The following GNPAT variants were observed in gnomAD, a reference collection of about 807,000 sequenced individuals.
GNPAT encodes dihydroxyacetone phosphate acyltransferase.
A neutral mutation model predicts 78.4 loss-of-function variants in GNPAT; 30 were observed. The observed-to-expected ratio is 0.38, with a 90% CI of 0.29 to 0.52. The LOEUF is 0.52. Among genes scored for constraint, GNPAT ranks in the 20% least tolerant of loss-of-function variants. The pLI is 0.84. For synonymous variants in GNPAT, 271 were observed against 281.1 expected, an observed-to-expected ratio of 0.96 and a Z score of 0.36; for missense variants, 714 against 812.2, an observed-to-expected ratio of 0.88 and a Z score of 1.47.
Position 231,241,355 on chromosome 1 carries a change from C to G in GNPAT, c.-24C>G, listed in dbSNP as rs953814627. The G allele has an allele frequency of 1.9e-6, 3 of 1,595,290 alleles. No homozygotes were observed. Among genetic ancestry groups the G allele is most frequent in the Non-Finnish European group, 2.6e-6 (3 of 1,162,912 alleles). ...CACGGCTTAGCAAAGAATCCCAGAC[C>G]CCGCCCGGGAAGGCAGCCGCACCAT... On this transcript the variant is annotated 5_prime_UTR_variant, in exon 1 of 16. Coordinates refer to ENST00000366647, the MANE Select transcript of GNPAT (RefSeq NM_014236.4).
intron 2 of GNPAT, among the ~76,000 whole-genome samples, chr1:231,260,053 C>T (rs1685180777): frequency 6.6e-6 from 1 of 152,136 alleles, no homozygotes; most frequent in African/African-American, 2.4e-5. Context: ...ACTTTGTGTG[C>T]CTGTGACTTG....
chr1:231,256,597 C>T (rs1386166398), intron 2 of GNPAT, among the ~76,000 whole-genome samples: 1 of 148,792 alleles, frequency 6.7e-6, no homozygotes, highest in African/African-American at 2.5e-5. Flanking sequence ...CACCATTCTC[C>T]TGCCTCAGCC....
rs955918032 is a variant in GNPAT at position 231,256,680 on chromosome 1, G to A, written c.262-3827G>A. ...TTTTTGTATTTTTAGTAGAGACGAG[G>A]TTTCACTTTTTTAGCCAGGATGGTC... On this transcript the variant is annotated intron_variant, in intron 2 of 15. Transcript: ENST00000366647. Among the ~76,000 whole-genome samples, 74 of 151,826 alleles carry A rather than the reference G, an allele frequency of 4.9e-4. 1 individual carries two copies. The highest frequency in any genetic ancestry group is 1.7e-3 in the African/African-American group (72 of 41,406).
intron 2 of GNPAT, chr1:231,258,283 G>C (rs1325387604): frequency 1.3e-5 from 2 of 152,200 alleles, no homozygotes; most frequent in Non-Finnish European, 2.9e-5. Flanking sequence ...CCTATAACCA[G>C]GTGTCTGGCT....
chr1:231,270,777 A>G lies in GNPAT; in HGVS notation c.1299A>G (p.Glu433=). Residue 433 remains glutamate, a synonymous_variant, in exon 10 of 16, where the codon GAA becomes GAG. Transcript: ENST00000366647. ...LIWPDNKPAE[E]VVPASILLHS... Reference sequence around the variant, plus strand: ...GTGTAGATAATAAACCTGCTGAAGAAGTTGTCCCGGCCAGCATTCTTCTGC... The same window carrying G: ...GTGTAGATAATAAACCTGCTGAAGAGGTTGTCCCGGCCAGCATTCTTCTGC... 1 of 1,614,010 alleles carries G rather than the reference A, an allele frequency of 6.2e-7. No individual in the cohort carries two copies. The highest frequency in any genetic ancestry group is 1.1e-5 in the South Asian group (1 of 91,066).
intron 3 of GNPAT, 111 bp downstream of exon 3, chr1:231,260,794 A>C (rs777190840): frequency 1.1e-5 from 8 of 757,432 alleles, no homozygotes; most frequent in Non-Finnish European, 1.8e-5. Flanking sequence ...ACTCAAGGAC[A>C]GCTCACTTGG....
intron 10 of GNPAT, among the ~76,000 whole-genome samples, chr1:231,272,092 T>TC (rs1175845351): frequency 1.3e-5 from 2 of 152,164 alleles, no homozygotes; most frequent in Admixed American, 1.3e-4. Flanking sequence ...AGAGCGAGAC[T>TC]CCATCTCAAA....
intron 3 of GNPAT, 132 bp from the exon 4 acceptor site, chr1:231,262,591 T>C (rs1180134904): frequency 1.4e-6 from 1 of 738,508 alleles, no homozygotes; most frequent in African/African-American, 1.7e-5. Context: ...CGTTTATGTG[T>C]ATGGCAAAAA....
Position 231,277,604 on chromosome 1 carries a change from C to T in GNPAT, c.*62C>T, listed in dbSNP as rs1009667105. 33 of 943,624 alleles carry T rather than the reference C, an allele frequency of 3.5e-5. No individual in the cohort carries two copies. The highest frequency in any genetic ancestry group is 5.8e-5 in the Non-Finnish European group (33 of 567,886). 58.5% of individuals were successfully genotyped at this position (943,624 alleles called of 1,614,324 possible). A position where few individuals can be genotyped will look rare whatever the true frequency, so the allele number is the denominator to read the frequency against. On this transcript the variant is annotated 3_prime_UTR_variant, in exon 16 of 16. Transcript: ENST00000366647. ...ATTACTCTCATCGAAGGACTCATTA[C>T]AACAAACAGGGAAGTAAAGGAAGAG...
At chr1:231,268,118 C>T (rs111743352) in intron 9 of GNPAT, among the ~76,000 whole-genome samples, 5 of 151,956 alleles carry the variant, frequency 3.3e-5, no homozygotes, top group East Asian at 3.9e-4. Context: ...CTGGCTAACG[C>T]GGTGAAACCC....
At chr1:231,269,299 G>A (rs1348089421) in intron 9 of GNPAT, among the ~76,000 whole-genome samples, 1 of 152,216 alleles carries the variant, frequency 6.6e-6, no homozygotes, top group Non-Finnish European at 1.5e-5. Flanking sequence ...GATGAGGAAT[G>A]CAAGATGGGA....
rs188835097 is a variant in GNPAT, at chr1:231,247,132, C to T, written c.79-3829C>T. 1.0e-3 allele frequency among the ~76,000 whole-genome samples: 154 copies of T among 151,856 alleles called. 2 individuals are homozygous for T. In the East Asian group the frequency reaches 0.024, roughly 24 times the overall value. Reference sequence around the variant, plus strand: ...AGTGAGCTGAGATCGTGCCACTGCACTCCAGCCTGGGCAACAGAGAGAGAC... The same window carrying T: ...AGTGAGCTGAGATCGTGCCACTGCATTCCAGCCTGGGCAACAGAGAGAGAC... On this transcript the variant is annotated intron_variant, in intron 1 of 15. Transcript: ENST00000366647.
intron 2 of GNPAT, among the ~76,000 whole-genome samples, chr1:231,258,763 T>G (rs1685137742): frequency 6.6e-6 from 1 of 150,502 alleles, no homozygotes; most frequent in Non-Finnish European, 1.5e-5. Context: ...CCCGAGTAGC[T>G]GGGACTATAG....
In GNPAT at chr1:231,275,778, C is replaced by T. The variant is rs114864194; in HGVS notation, c.1937+280C>T. Among the ~76,000 whole-genome samples, 1,994 of 152,202 alleles carry T rather than the reference C, an allele frequency of 0.013. 30 individuals are homozygous for T. Among genetic ancestry groups the T allele is most frequent in the African/African-American group, 0.045 (1,885 of 41,514 alleles). ...AATTTATAATTACAAGAAAGATTTT[C>T]GGGAGTGTAGTGGGCATATGAGTGT... On this transcript the variant is annotated intron_variant, in intron 14 of 15. Transcript: ENST00000366647.
intron 1 of GNPAT, among the ~76,000 whole-genome samples, chr1:231,245,332 A>G (rs1391530002): frequency 6.6e-6 from 1 of 151,738 alleles, no homozygotes; most frequent in Admixed American, 6.6e-5. Context: ...GTGACCTCCA[A>G]CTCTTGAGCT....
intron 9 of GNPAT, chr1:231,270,203 G>C (rs537344986): frequency 4.9e-5 from 8 of 162,578 alleles, no homozygotes; most frequent in African/African-American, 1.9e-4. Flanking sequence ...TATGTCAGGT[G>C]ATAAGCTACC....
chr1:231,268,269 C>A (rs940399552), intron 9 of GNPAT, among the ~76,000 whole-genome samples: 1 of 152,036 alleles, frequency 6.6e-6, no homozygotes, highest in African/African-American at 2.4e-5. Flanking sequence ...TGCCACTGCA[C>A]TCCAGCTAGG....
At chr1:231,244,137 G>A (rs2761584) in intron 1 of GNPAT, among the ~76,000 whole-genome samples, 83,491 of 151,940 alleles carry the variant, frequency 0.55, 23,134 homozygotes, top group South Asian at 0.63. Flanking sequence ...TCGAACTCCC[G>A]GTCTCAAGTG....
At chr1:231,253,081 G>A (rs1684945605) in intron 2 of GNPAT, among the ~76,000 whole-genome samples, 1 of 152,138 alleles carries the variant, frequency 6.6e-6, no homozygotes. Context: ...CCATTCTCCT[G>A]CCTCAGCCTC....
Sources: allele counts gnomAD v4.1 joint callset (sites outside exome capture counted in the v4.1 genomes callset), GRCh38; gene constraint gnomAD v4.1.1; transcripts MANE v1.5; gene names NCBI Gene and HGNC (gene_info 2026-07-23, HGNC 2026-07-21).